KCNMB2: variants seen among roughly 807,000 people sequenced by gnomAD.
KCNMB2 encodes the protein potassium calcium-activated channel subfamily M regulatory beta subunit 2.
In KCNMB2, 9 loss-of-function variants were observed where a neutral mutation model predicts 24.5. That is an observed-to-expected ratio of 0.37 (90% CI 0.22 to 0.64). The LOEUF (loss-of-function observed/expected upper bound fraction) is 0.64. Ranked by LOEUF, KCNMB2 falls within the 30% of genes least tolerant of loss-of-function variation. KCNMB2 has a pLI of 0.63. For synonymous variants in KCNMB2, 109 were observed against 104.4 expected (o/e 1.04, Z -0.27); for missense variants, 226 against 284.3 (o/e 0.79, Z 1.47).
intron 1 of KCNMB2, among the ~76,000 whole-genome samples, chr3:178,765,793 T>C (rs1712093428): frequency 6.6e-6 from 1 of 152,208 alleles, no homozygotes; most frequent in Admixed American, 6.5e-5. Flanking sequence ...TAAAAATTGC[T>C]ATCCTAGACC....
rs950891403 is a variant in KCNMB2 at position 178,776,295 on chromosome 3, A to T, written c.-67-31048A>T. Among the ~76,000 whole-genome samples the T allele has an allele frequency of 2.0e-5, 3 of 151,954 alleles. No individual in the cohort carries two copies. In the South Asian group the frequency reaches 6.2e-4, roughly 32 times the overall value. On this transcript the variant is annotated intron_variant, in intron 1 of 4. Transcript: ENST00000452583. ...ATCATTTTTAATTCCTCCCTCCATC[A>T]TCTTCACTCTCTTTAGTCTAATCAG...
chr3:178,828,456 C>A, intron 4 of KCNMB2, 83 bp downstream of exon 4: 2 of 1,016,460 alleles, frequency 2.0e-6, no homozygotes, highest in Non-Finnish European at 1.4e-6. Flanking sequence ...CCTTTGCCAG[C>A]ATTTCAAAGG....
intron 1 of KCNMB2, among the ~76,000 whole-genome samples, chr3:178,681,688 A>G (rs1721276640): frequency 6.6e-6 from 1 of 152,222 alleles, no homozygotes; most frequent in South Asian, 2.1e-4. Context: ...GGATACTGTC[A>G]TATCGACTAC....
intron 1 of KCNMB2, among the ~76,000 whole-genome samples, chr3:178,563,838 C>A (rs1468003347): frequency 1.3e-5 from 2 of 152,138 alleles, no homozygotes; most frequent in Non-Finnish European, 2.9e-5. Flanking sequence ...TCAGAGCCAC[C>A]TTTATGACGT....
At chr3:178,675,917 G>A (rs1453541665) in intron 1 of KCNMB2, among the ~76,000 whole-genome samples, 1 of 152,116 alleles carries the variant, frequency 6.6e-6, no homozygotes, top group Non-Finnish European at 1.5e-5. Flanking sequence ...TCTGTGTTGG[G>A]TCTGTTAGAT....
chr3:178,561,458 G>A (rs1716313442), intron 1 of KCNMB2, among the ~76,000 whole-genome samples: 2 of 152,168 alleles, frequency 1.3e-5, no homozygotes, highest in Non-Finnish European at 2.9e-5. Context: ...TCTATTCTTG[G>A]TTCTGAAACT....
At chr3:178,759,154 C>A (rs200592154) in intron 1 of KCNMB2, among the ~76,000 whole-genome samples, 30,610 of 32,268 alleles carry the variant, frequency 0.95, 14,587 homozygotes, top group East Asian at 0.99. Flanking sequence ...ATATATATAT[C>A]TATCTCCAAG....
intron 1 of KCNMB2, among the ~76,000 whole-genome samples, chr3:178,767,313 T>C (rs1487674126): frequency 6.6e-6 from 1 of 152,156 alleles, no homozygotes; most frequent in African/African-American, 2.4e-5. Context: ...TATACACAAA[T>C]GGTCTGAATG....
rs139972611 is a variant in KCNMB2, at chr3:178,818,726, G to C, written c.57-6862G>C. ...TCTAAACAACCAACCACACTAACACGAGTGATCTTTCTAAAGCACATATCT... is the reference window on the plus strand; with the variant it reads ...TCTAAACAACCAACCACACTAACACCAGTGATCTTTCTAAAGCACATATCT... On this transcript the variant is annotated intron_variant, in intron 2 of 4. Transcript: ENST00000452583. Among the ~76,000 whole-genome samples, 53 of 151,984 alleles carry C rather than the reference G, an allele frequency of 3.5e-4. 1 individual carries two copies. The highest frequency in any genetic ancestry group is 6.6e-4 in the Non-Finnish European group (45 of 68,038).
At chr3:178,796,960 G>A (rs1458646235) in intron 1 of KCNMB2, among the ~76,000 whole-genome samples, 1 of 151,832 alleles carries the variant, frequency 6.6e-6, no homozygotes, top group Non-Finnish European at 1.5e-5. Context: ...ACAAAAAGTT[G>A]GTTTTTTGAA....
chr3:178,809,706 C>G (rs188264005), intron 2 of KCNMB2, among the ~76,000 whole-genome samples: 1 of 152,164 alleles, frequency 6.6e-6, no homozygotes, highest in Admixed American at 6.5e-5. Context: ...ATGTGACTGA[C>G]GTATTGGTAA....
chr3:178,668,973 T>C (rs1720810761), intron 1 of KCNMB2, among the ~76,000 whole-genome samples: 1 of 152,178 alleles, frequency 6.6e-6, no homozygotes, highest in Non-Finnish European at 1.5e-5. Flanking sequence ...ATTCATCCAA[T>C]TCATAAAAAG....
intron 2 of KCNMB2, among the ~76,000 whole-genome samples, chr3:178,812,180 G>A (rs1219893787): frequency 1.3e-5 from 2 of 151,786 alleles, no homozygotes; most frequent in Non-Finnish European, 2.9e-5. Flanking sequence ...CCCAGTTTGT[G>A]GTTTGGCTTT....
intron 1 of KCNMB2, among the ~76,000 whole-genome samples, chr3:178,713,662 C>T (rs1722524729): frequency 6.6e-6 from 1 of 152,140 alleles, no homozygotes; most frequent in African/African-American, 2.4e-5. Flanking sequence ...CTCTGCCACA[C>T]AGAAGGTATG....
intron 1 of KCNMB2, among the ~76,000 whole-genome samples, chr3:178,775,354 A>G (rs1712537981): frequency 6.6e-6 from 1 of 152,202 alleles, no homozygotes; most frequent in Non-Finnish European, 1.5e-5. Context: ...TGTTATGTAA[A>G]TAAATGCATC....
chr3:178,815,469 C>A (rs751287180), intron 2 of KCNMB2, among the ~76,000 whole-genome samples: 2 of 152,056 alleles, frequency 1.3e-5, no homozygotes, highest in Non-Finnish European at 2.9e-5. Context: ...TTTGTATTTT[C>A]TTCATAATTA....
At chr3:178,632,875 T>C (rs1719371248) in intron 1 of KCNMB2, among the ~76,000 whole-genome samples, 1 of 152,202 alleles carries the variant, frequency 6.6e-6, no homozygotes, top group South Asian at 2.1e-4. Context: ...AGTTACTTCC[T>C]AGATACCATG....
intron 1 of KCNMB2, among the ~76,000 whole-genome samples, chr3:178,768,562 A>T (rs1246441049): frequency 1.3e-5 from 2 of 152,234 alleles, no homozygotes; most frequent in African/African-American, 2.4e-5. Context: ...ATAGAAAGTA[A>T]AACCTGACAA....
At position 178,678,620 on chromosome 3, in the gene KCNMB2, CTG is replaced by C. The variant is rs976966015; in HGVS notation, c.-67-128722_-67-128721del. The stretch of plus-strand genomic sequence containing the variant: ...CCGACATAGTCCAGTACCCAGAACA[CTG>C]AGAACCACCAGCACATGAAAACTCA... On this transcript the variant is annotated intron_variant, in intron 1 of 4. Transcript: ENST00000452583. Among the ~76,000 whole-genome samples, 105 of 152,324 alleles carry C rather than the reference CTG, an allele frequency of 6.9e-4. 1 individual carries two copies. The highest frequency in any genetic ancestry group is 1.8e-3 in the African/African-American group (75 of 41,568).
Sources: allele counts gnomAD v4.1 joint callset (sites outside exome capture counted in the v4.1 genomes callset), GRCh38; gene constraint gnomAD v4.1.1; transcripts MANE v1.5; gene names NCBI Gene and HGNC (gene_info 2026-07-23, HGNC 2026-07-21).